P2RX2: variants seen among roughly 807,000 people sequenced by gnomAD.
The protein encoded by P2RX2 is purinergic receptor P2X 2, also known as P2X purinoceptor 2.
P2RX2 carries 50 observed loss-of-function variants against 54.8 expected under a neutral mutation model. That is an observed-to-expected ratio of 0.91 (90% CI 0.73 to 1.15). P2RX2 has a LOEUF of 1.15. P2RX2 is among the 50% of genes most tolerant of loss of function. The pLI is 0.00. For missense variants in P2RX2, 658 were observed against 633.2 expected, an observed-to-expected ratio of 1.04 and a Z score of -0.42; for synonymous variants, 289 against 259.4, an observed-to-expected ratio of 1.11 and a Z score of -1.09.
At chr12:132,620,242 AAAC>A in intron 5 of P2RX2, 22 bp from the exon 6 acceptor site, 1 of 1,603,914 alleles carries the variant, frequency 6.2e-7, no homozygotes, top group Non-Finnish European at 8.5e-7. Context: ...AGAGGGGACT[AAAC>A]AACCCTTCTG....
rs116100744 is a variant in P2RX2 at position 132,621,323 on chromosome 12, T to C, written c.974T>C (p.Ile325Thr). The C allele has an allele frequency of 3.3e-5, 54 of 1,614,048 alleles. No homozygotes were observed. The highest frequency in any genetic ancestry group is 6.7e-5 in the East Asian group (3 of 44,878). Reference protein sequence around the residue: ...RTLIKAYGIRIDVIVHGQAGK... With the variant: ...RTLIKAYGIRTDVIVHGQAGK... ...CTCATCAAGGCCTACGGGATCCGCA[T>C]TGACGTCATTGTGCATGGACAGGTG... Residue 325 changes from isoleucine to threonine, a missense_variant, in exon 9 of 11, where the codon ATT becomes ACT. Physicochemically the swap from Ile to Thr is moderately conservative, Grantham distance 89. Transcript: ENST00000643471.
At position 132,620,007 on chromosome 12, in the gene P2RX2, G is replaced by A. The variant is rs752251025; in HGVS notation, c.465G>A (p.Arg155=). The change falls in exon 5 of 11, where the codon AGG becomes AGA. Residue 155 remains arginine, a synonymous_variant. Coordinates refer to ENST00000643471, the MANE Select transcript of P2RX2 (RefSeq NM_170682.4). The part of the protein sequence containing the change: ...GELDMLGNGL[R]TGRCVPYYQG... ...GTGACCTCTGCCTCCCAGGCCTGAG[G>A]ACTGGGCGCTGTGTGCCCTATTACC... 3.8e-5 allele frequency: 60 copies of A among 1,584,640 alleles called. No individual in the cohort carries two copies. Among genetic ancestry groups the A allele is most frequent in the Non-Finnish European group, 5.0e-5 (58 of 1,167,294 alleles).
chr12:132,620,223 T>A (rs772280904), intron 5 of P2RX2, 44 bp from the exon 6 acceptor site: 1 of 1,577,214 alleles, frequency 6.3e-7, no homozygotes, highest in Non-Finnish European at 8.7e-7. Context: ...AGGCGGGGGC[T>A]TTGCGGGAAG....
Position 132,619,498 on chromosome 12 carries a change from T to C in P2RX2, c.233T>C (p.Ile78Thr). 1.9e-6 allele frequency: 3 copies of C among 1,612,534 alleles called. No individual in the cohort carries two copies. Among genetic ancestry groups the C allele is most frequent in the Non-Finnish European group, 2.5e-6 (3 of 1,179,370 alleles). The stretch of plus-strand genomic sequence containing the variant: ...AGCGAGACGGGCCCCGAGAGCTCCA[T>C]CATCACCAAGGTCAAGGGGATCACC... Reference protein sequence around the residue: ...QESETGPESSIITKVKGITTS... With the variant: ...QESETGPESSTITKVKGITTS... Residue 78 changes from isoleucine to threonine, a missense_variant, in exon 2 of 11, where the codon ATC (isoleucine) becomes ACC (threonine). Coordinates refer to ENST00000643471, the MANE Select transcript of P2RX2 (RefSeq NM_170682.4).
Position 132,619,981 on chromosome 12 carries a change from A to C in P2RX2, c.458-19A>C. ...AGGGCTGCGTCCCCGCTAATGCCTC[A>C]GTGACCTCTGCCTCCCAGGCCTGAG... On this transcript the variant is annotated intron_variant, in intron 4 of 10. Coordinates refer to ENST00000643471, the MANE Select transcript of P2RX2 (RefSeq NM_170682.4). 6.3e-7 allele frequency: 1 copy of C among 1,579,150 alleles called. No individual in the cohort carries two copies. The highest frequency in any genetic ancestry group is 8.6e-7 in the Non-Finnish European group (1 of 1,164,020).
rs771867569 is a variant in P2RX2, at chr12:132,620,263, TCAGC to T, written c.555-1_557del. 1 of 1,613,514 alleles carries T rather than the reference TCAGC, an allele frequency of 6.2e-7. No homozygotes were observed. Among genetic ancestry groups the T allele is most frequent in the Non-Finnish European group, 8.5e-7 (1 of 1,179,436 alleles). On this transcript the variant is annotated splice_acceptor_variant and splice_polypyrimidine_tract_variant and coding_sequence_variant and intron_variant, in exon 6 of 11. Coordinates refer to ENST00000643471, the MANE Select transcript of P2RX2 (RefSeq NM_170682.4). LOFTEE classifies it high-confidence loss of function. The stretch of plus-strand genomic sequence containing the variant: ...GACTAAACAACCCTTCTGTGCCTCC[TCAGC>T]CAATTTCTGGGTACGATGGCCCCAA...
Position 132,622,080 on chromosome 12 carries a change from C to T in P2RX2, c.*108C>T, listed in dbSNP as rs140167227. On this transcript the variant is annotated 3_prime_UTR_variant, in exon 11 of 11. Transcript: ENST00000643471. Reference sequence around the variant, plus strand: ...GCACCTCAGTAGCGGAGCATCTCCACGAAACGGGGCACCACAGGATCCCTG... The same window carrying T: ...GCACCTCAGTAGCGGAGCATCTCCATGAAACGGGGCACCACAGGATCCCTG... The T allele has an allele frequency of 2.7e-4, 423 of 1,552,440 alleles. 1 individual carries two copies. In the African/African-American group the frequency reaches 3.9e-3, roughly 14 times the overall value.
At chr12:132,619,387 G>T (rs993558927) in intron 1 of P2RX2, 52 bp from the exon 2 acceptor site, 6 of 1,605,618 alleles carry the variant, frequency 3.7e-6, no homozygotes, top group Non-Finnish European at 5.1e-6. Flanking sequence ...CTGCGGGCGG[G>T]ACTCAGCCTT....
At chr12:132,619,344 C>CTG in intron 1 of P2RX2, 95 bp from the exon 2 acceptor site, 1 of 1,393,886 alleles carries the variant, frequency 7.2e-7, no homozygotes, top group African/African-American at 1.6e-5. Flanking sequence ...CCCCGCAGAG[C>CTG]GGACCCGGGT....
At position 132,618,869 on chromosome 12, in the gene P2RX2, C is replaced by A; in HGVS notation, c.53C>A (p.Ala18Asp). ...GCCGGGGCGACCGCCCGGCGCCTGG[C>A]CCGGGGCTGCTGGTCCGCCCTCTGG... ...YPAGATARRL[A>D]RGCWSALWDY... The change falls in exon 1 of 11, where the codon GCC becomes GAC. Residue 18 changes from alanine to aspartate, a missense_variant. Coordinates refer to ENST00000643471, the MANE Select transcript of P2RX2 (RefSeq NM_170682.4). 3 of 1,374,984 alleles carry A rather than the reference C, an allele frequency of 2.2e-6. No individual in the cohort carries two copies. Among genetic ancestry groups the A allele is most frequent in the Non-Finnish European group, 2.8e-6 (3 of 1,057,216 alleles). The allele number at this position is 1,374,984 out of a possible 1,614,324, so 85.2% of individuals were successfully genotyped here.
chr12:132,622,221 A>G lies in P2RX2; in HGVS notation c.*249A>G. 1 of 1,373,208 alleles carries G rather than the reference A, an allele frequency of 7.3e-7. No individual in the cohort carries two copies. The highest frequency in any genetic ancestry group is 1.5e-5 in the African/African-American group (1 of 67,494). The allele number at this position is 1,373,208 out of a possible 1,614,324, so 85.1% of individuals were successfully genotyped here. Reference sequence around the variant, plus strand: ...GGCTGCTCACTTCCCATCACCTCTCACAGCCACCTGGAACCCAAGCCAGCT... The same window carrying G: ...GGCTGCTCACTTCCCATCACCTCTCGCAGCCACCTGGAACCCAAGCCAGCT... On this transcript the variant is annotated 3_prime_UTR_variant, in exon 11 of 11. Coordinates refer to ENST00000643471, the MANE Select transcript of P2RX2 (RefSeq NM_170682.4).
In P2RX2 at chr12:132,620,465, C is replaced by A. The variant is rs751623269; in HGVS notation, c.656C>A (p.Thr219Lys). The stretch of plus-strand genomic sequence containing the variant: ...CTCAGGGGCAACATCGCCGACCGCA[C>A]AGACGGGTACCTGAAGCGCTGCACG... ...HFSKGNIADR[T>K]DGYLKRCTFH... The change falls in exon 7 of 11, where the codon ACA becomes AAA. Residue 219 changes from threonine (T) to lysine (K), a missense_variant. Transcript: ENST00000643471. The A allele has an allele frequency of 2.5e-6, 4 of 1,614,108 alleles. No individual in the cohort carries two copies. The highest frequency in any genetic ancestry group is 1.7e-5 in the Admixed American group (1 of 60,022).
chr12:132,619,845 G>T lies in P2RX2; in HGVS notation c.383G>T (p.Ser128Ile). The T allele has an allele frequency of 6.2e-7, 1 of 1,611,056 alleles. No homozygotes were observed. ...HSQTQGTCPE[S>I]IRVHNATCLS... ...CTGACTGGGCCGCCTCCACCCTAGAGCATAAGGGTCCACAACGCCACCTGC... is the reference window on the plus strand; with the variant it reads ...CTGACTGGGCCGCCTCCACCCTAGATCATAAGGGTCCACAACGCCACCTGC... The change falls in exon 4 of 11, where the codon AGC becomes ATC. Residue 128 changes from serine (S) to isoleucine (I), a missense_variant and splice_region_variant. Ser to Ile is a moderately radical substitution (Grantham distance 142). Coordinates refer to ENST00000643471, the MANE Select transcript of P2RX2 (RefSeq NM_170682.4).
intron 7 of P2RX2, 140 bp downstream of exon 7, chr12:132,620,723 A>G: frequency 9.1e-7 from 1 of 1,092,910 alleles, no homozygotes; most frequent in East Asian, 2.4e-5. Flanking sequence ...CGATCAGCGC[A>G]ACCCATCCGG....
Position 132,618,977 on chromosome 12 carries a change from T to C in P2RX2, c.161T>C (p.Leu54Pro). ...LYRAVQLLIL[L>P]YFVWYVFIVQ... is the part of the protein sequence containing the mutation. ...CGCGCCGTGCAGCTGCTCATCCTGC[T>C]CTACTTCGTGTGGTGCGCGGGGCGC... Residue 54 changes from leucine (L) to proline (P), a missense_variant, in exon 1 of 11, where the codon CTC becomes CCC. By Grantham distance (98) the Leu-to-Pro change is moderately conservative. Transcript: ENST00000643471. 1.6e-6 allele frequency: 2 copies of C among 1,250,096 alleles called. No individual in the cohort carries two copies. Among genetic ancestry groups the C allele is most frequent in the Non-Finnish European group, 2.0e-6 (2 of 985,872 alleles). The allele number at this position is 1,250,096 out of a possible 1,614,324, so 77.4% of individuals were successfully genotyped here. A position where few individuals can be genotyped will look rare whatever the true frequency, so the allele number is the denominator to read the frequency against.
chr12:132,620,875 ACCCGGGCTCTCG>A lies in P2RX2; in HGVS notation c.775-125_775-114del. 2.1e-5 allele frequency: 20 copies of A among 952,294 alleles called. 1 individual carries two copies. The highest frequency in any genetic ancestry group is 7.4e-5 in the South Asian group (3 of 40,762). The allele number at this position is 952,294 out of a possible 1,614,324, so 59.0% of individuals were successfully genotyped here. ...ACACCTCACATGCAGCCTGGGACTG[ACCCGGGCTCTCG>A]AGGGGCCTCTCGTGTGCCCTTGTGA... On this transcript the variant is annotated intron_variant, in intron 7 of 10. Transcript: ENST00000643471.
rs1459999983 is a variant in P2RX2 at position 132,621,760 on chromosome 12, G to T, written c.1204G>T (p.Ala402Ser). 1.9e-6 allele frequency: 3 copies of T among 1,603,634 alleles called. No homozygotes were observed. The highest frequency in any genetic ancestry group is 2.6e-6 in the Non-Finnish European group (3 of 1,174,010). Residue 402 changes from alanine (A) to serine (S), a missense_variant, in exon 11 of 11, where the codon GCC (alanine) becomes TCC (serine). Transcript: ENST00000643471. ...PVTLARVLGQ[A>S]PPEPGHRSED... ...GACCCTTGCCCGTGTATTGGGCCAGGCCCCTCCCGAACCCGGCCACCGCTC... is the reference window on the plus strand; with the variant it reads ...GACCCTTGCCCGTGTATTGGGCCAGTCCCCTCCCGAACCCGGCCACCGCTC...
In P2RX2 at chr12:132,621,654, C is replaced by G; in HGVS notation, c.1098C>G (p.Phe366Leu). ...TGTGCGACTGGATCTTGCTAACATT[C>G]ATGAACAAAAACAAGGTCTACAGCC... is the stretch of plus-strand genomic sequence containing the variant. ...SFLCDWILLT[F>L]MNKNKVYSHK... The change falls in exon 11 of 11, where the codon TTC becomes TTG. Residue 366 changes from phenylalanine to leucine, a missense_variant. Coordinates refer to ENST00000643471, the MANE Select transcript of P2RX2 (RefSeq NM_170682.4). 2 of 1,613,826 alleles carry G rather than the reference C, an allele frequency of 1.2e-6. No individual in the cohort carries two copies. Among genetic ancestry groups the G allele is most frequent in the South Asian group, 1.1e-5 (1 of 90,996 alleles).
At chr12:132,620,893 C>A in intron 7 of P2RX2, 108 bp from the exon 8 acceptor site, 3 of 744,446 alleles carry the variant, frequency 4.0e-6, no homozygotes, top group South Asian at 5.7e-5. Context: ...TCTCGAGGGG[C>A]CTCTCGTGTG....
Sources: gnomAD v4.1 joint callset for allele counts on GRCh38, gnomAD v4.1.1 for gene constraint, MANE v1.5 for transcripts, NCBI Gene and HGNC (gene_info 2026-07-23, HGNC 2026-07-21) for gene names.